Variants in HUWE1 observed in about 807,000 individuals in gnomAD.
HUWE1 encodes the protein HECT, UBA and WWE domain containing E3 ubiquitin protein ligase 1.
In HUWE1, 18 loss-of-function variants were observed where a neutral mutation model predicts 299.4. That is an observed-to-expected ratio of 0.06 (90% CI 0.04 to 0.09). The LOEUF is 0.09. Among genes scored for constraint, HUWE1 ranks in the 10% least tolerant of loss-of-function variants. The pLI is 1.00. For synonymous variants in HUWE1, 1,317 were observed against 1,286.1 expected (o/e 1.02, Z -0.51); for missense variants, 1,832 against 3,462.3 (o/e 0.53, Z 11.82).
At chrX:53,596,878 T>C (rs909946804) in intron 29 of HUWE1, among the ~76,000 whole-genome samples, 8 of 112,357 alleles carry the variant, frequency 7.1e-5, no homozygotes, top group African/African-American at 1.3e-4. Flanking sequence ...TCAGGAAAAA[T>C]GAATTCAGTG....
At chrX:53,561,604 A>G in intron 55 of HUWE1, 152 bp downstream of exon 55, 2 of 810,986 alleles carry the variant, frequency 2.5e-6, no homozygotes, top group Non-Finnish European at 3.6e-6. Flanking sequence ...CACTAATGAG[A>G]CAGATGGATT....
chrX:53,536,021 G>T, intron 80 of HUWE1, 126 bp downstream of exon 80: 1 of 458,811 alleles, frequency 2.2e-6, no homozygotes, highest in Non-Finnish European at 4.0e-6. Flanking sequence ...ACCTGCTACA[G>T]CTTTAAGAAG....
At chrX:53,533,752 G>A (rs2060873509) in intron 83 of HUWE1, 2 of 445,240 alleles carry the variant, frequency 4.5e-6, no homozygotes. Flanking sequence ...ACTCCTCCTT[G>A]CTCCAGTCAC....
At chrX:53,579,002 G>A (rs1602803018) in intron 43 of HUWE1, among the ~76,000 whole-genome samples, 1 of 72,283 alleles carries the variant, frequency 1.4e-5, no homozygotes, top group South Asian at 8.5e-4. Context: ...CCCTCTGCCC[G>A]GCCAGCCGCC....
In HUWE1 at chrX:53,537,562, T is replaced by G. The variant is rs1556914196; in HGVS notation, c.12131A>C (p.Asn4044Thr). ...LHRKSPEEMK[N>T]RLYIVFEGEE... Reference sequence around the variant, plus strand: ...TCCGTTCCTGGGCCCTTACAATCGATTCTTCATTTCTTCGGGGGATTTGCG... The same window carrying G: ...TCCGTTCCTGGGCCCTTACAATCGAGTCTTCATTTCTTCGGGGGATTTGCG... The change falls in exon 78 of 84, where the codon AAT becomes ACT. Residue 4044 changes from asparagine (N) to threonine (T), a missense_variant. Around this residue, in one of 15 missense-constraint regions of HUWE1, gnomAD observed 129 missense variants for 439.4 expected, o/e 0.29. Transcript: ENST00000262854. 1 of 1,210,088 alleles carries G rather than the reference T, an allele frequency of 8.3e-7. No individual in the cohort carries two copies. Among genetic ancestry groups the G allele is most frequent in the Non-Finnish European group, 1.1e-6 (1 of 894,635 alleles).
intron 48 of HUWE1, among the ~76,000 whole-genome samples, chrX:53,569,165 T>C (rs1350224852): frequency 9.0e-6 from 1 of 111,279 alleles, no homozygotes; most frequent in Admixed American, 9.5e-5. Flanking sequence ...TAGCTGGGAC[T>C]ACGGGAGCGT....
intron 43 of HUWE1, among the ~76,000 whole-genome samples, chrX:53,578,936 C>T (rs1556963217): frequency 2.8e-5 from 2 of 70,429 alleles, no homozygotes; most frequent in African/African-American, 5.9e-5. Flanking sequence ...CCAGCCGCCC[C>T]GTCCGGGAGG....
At chrX:53,600,730 T>A (rs782433414) in intron 28 of HUWE1, among the ~76,000 whole-genome samples, 1 of 112,686 alleles carries the variant, frequency 8.9e-6, no homozygotes, top group Non-Finnish European at 1.9e-5. Context: ...TTAAGAATTA[T>A]GTATATGAAT....
chrX:53,622,207 T>C (rs1185592258), intron 19 of HUWE1, among the ~76,000 whole-genome samples: 3 of 111,568 alleles, frequency 2.7e-5, no homozygotes, highest in Non-Finnish European at 3.8e-5. Flanking sequence ...GTACATACAA[T>C]GATGCCCCCC....
intron 7 of HUWE1, among the ~76,000 whole-genome samples, chrX:53,637,794 C>G (rs781944995): frequency 9.0e-6 from 1 of 111,501 alleles, no homozygotes; most frequent in African/African-American, 3.3e-5. Context: ...AGAAAATATA[C>G]CAAAATGAGT....
chrX:53,593,249 G>A, intron 32 of HUWE1, 115 bp downstream of exon 32: 1 of 556,399 alleles, frequency 1.8e-6, no homozygotes. Context: ...CCCTATCTGG[G>A]AGTTGGATCC....
At chrX:53,568,022 C>T (rs1419128096) in intron 49 of HUWE1, among the ~76,000 whole-genome samples, 2 of 111,792 alleles carry the variant, frequency 1.8e-5, no homozygotes, top group East Asian at 2.8e-4. Flanking sequence ...GGCAAAAACA[C>T]GGTCGCTTCA....
chrX:53,552,593 G>C (rs782131476), intron 62 of HUWE1, 45 bp downstream of exon 62: 41 of 1,210,184 alleles, frequency 3.4e-5, no homozygotes, highest in Non-Finnish European at 4.5e-5. Flanking sequence ...TGCTTTGAAA[G>C]ACCCTCCAAT....
At chrX:53,577,516 C>CCTCTCCCTCT (rs2063184382) in intron 43 of HUWE1, among the ~76,000 whole-genome samples, 1 of 89,885 alleles carries the variant, frequency 1.1e-5, no homozygotes, top group Non-Finnish European at 2.4e-5. Flanking sequence ...TCTCCCTCTC[C>CCTCTCCCTCT]CTCTCCCTCC....
chrX:53,575,075 CCTG>C (rs2063034360), intron 46 of HUWE1, 77 bp downstream of exon 46: 4 of 695,108 alleles, frequency 5.8e-6, no homozygotes, highest in Admixed American at 2.6e-5. Context: ...TCTCCTACCC[CCTG>C]CACAGGACAC....
In HUWE1 at chrX:53,576,904, C is replaced by T; in HGVS notation, c.5880G>A (p.Glu1960=). 8.3e-7 allele frequency: 1 copy of T among 1,211,213 alleles called. No individual in the cohort carries two copies. Among genetic ancestry groups the T allele is most frequent in the Non-Finnish European group, 1.1e-6 (1 of 895,061 alleles). ...TGAGGTAGGCTAGCCACATACCTTC[C>T]TCTGGAGCATGGTATGCAGCCAGAG... is the stretch of plus-strand genomic sequence containing the variant. ...LNALAAYHAP[E]EADKSDPKPG... is the part of the protein sequence containing the mutation. Residue 1960 remains glutamate, a synonymous_variant, in exon 44 of 84, where the codon GAG becomes GAA. Transcript: ENST00000262854.
chrX:53,581,053 C>T (rs1003549502), intron 42 of HUWE1, 27 bp from the exon 43 acceptor site: 9 of 1,112,714 alleles, frequency 8.1e-6, no homozygotes, highest in South Asian at 1.9e-5. Context: ...GAAACACTGT[C>T]GATTAAACAC....
chrX:53,578,390 G>A lies in HUWE1; in HGVS notation c.5717-1323C>T, dbSNP rs1420678648. On this transcript the variant is annotated intron_variant, in intron 43 of 83. Transcript: ENST00000262854. ...AGCCCCCCGCCCGGCCAGCCGCCCCGTCCGGGAGGTGAGGGGCTCCTCTGC... is the reference window on the plus strand; with the variant it reads ...AGCCCCCCGCCCGGCCAGCCGCCCCATCCGGGAGGTGAGGGGCTCCTCTGC... Among the ~76,000 whole-genome samples the A allele has an allele frequency of 1.7e-4, 15 of 90,349 alleles. No homozygotes were observed. The East Asian group carries it at 2.3e-3, about 14-fold the overall frequency. The allele number at this position is 90,349 out of a possible 115,157, so 78.5% of individuals were successfully genotyped here.
At chrX:53,622,915 CTAGTCTAAT>C in intron 19 of HUWE1, among the ~76,000 whole-genome samples, 1 of 112,006 alleles carries the variant, frequency 8.9e-6, no homozygotes. Flanking sequence ...ATAACAATGG[CTAGTCTAAT>C]TATTTAGGTT....
Sources: gnomAD v4.1 joint callset for allele counts (sites outside exome capture counted in the v4.1 genomes callset) on GRCh38, gnomAD v4.1.1 for gene constraint, gnomAD v4.1.1 regional missense constraint, MANE v1.5 for transcripts, NCBI Gene and HGNC (gene_info 2026-07-23, HGNC 2026-07-21) for gene names.